The following ODAD2 variants were observed in gnomAD, a reference collection of about 807,000 sequenced individuals.
ODAD2 encodes the protein outer dynein arm docking complex subunit 2, also known as outer dynein arm-docking complex subunit 2.
ODAD2 carries 89 observed loss-of-function variants against 106.8 expected under a neutral mutation model. The ratio of observed to expected loss-of-function variants is 0.83; its 90% CI spans 0.70 to 0.99. The LOEUF (loss-of-function observed/expected upper bound fraction) is 0.99. Ranked by LOEUF, ODAD2 falls within the 50% of genes least tolerant of loss-of-function variation. The pLI is 0.00. For synonymous variants in ODAD2, 404 were observed against 436.2 expected, an observed-to-expected ratio of 0.93 and a Z score of 0.92; for missense variants, 1,168 against 1,238.5, an observed-to-expected ratio of 0.94 and a Z score of 0.85.
In ODAD2 at chr10:27,909,857, C is replaced by G. The variant is rs149081016; in HGVS notation, c.2496-2080G>C. 1.6e-4 allele frequency among the ~76,000 whole-genome samples: 22 copies of G among 134,226 alleles called. No individual in the cohort carries two copies. The East Asian group carries it at 4.6e-3, about 28-fold the overall frequency. 88.1% of individuals were successfully genotyped at this position (134,226 alleles called of 152,430 possible). A position where few individuals can be genotyped will look rare whatever the true frequency, so the allele number is the denominator to read the frequency against. On this transcript the variant is annotated intron_variant, in intron 16 of 19. Transcript: ENST00000305242. ...AAAAAAAAAAAGACTCAGAACACTA[C>G]GGAATGATAACTTCCTATGACAAGA... is the stretch of plus-strand genomic sequence containing the variant.
intron 19 of ODAD2, among the ~76,000 whole-genome samples, chr10:27,846,870 C>A (rs531731373): frequency 6.6e-6 from 1 of 151,904 alleles, no homozygotes; most frequent in South Asian, 2.1e-4. Flanking sequence ...CAAGACTAAA[C>A]CAGGAAGAAG....
intron 17 of ODAD2, among the ~76,000 whole-genome samples, chr10:27,887,076 G>C (rs1242494991): frequency 6.6e-6 from 1 of 151,668 alleles, no homozygotes; most frequent in Non-Finnish European, 1.5e-5. Flanking sequence ...TTGGCAAAAT[G>C]GATTTTAAAA....
chr10:27,908,257 C>T (rs1332457602), intron 16 of ODAD2, among the ~76,000 whole-genome samples: 1 of 152,174 alleles, frequency 6.6e-6, no homozygotes, highest in East Asian at 1.9e-4. Flanking sequence ...AATCATTACA[C>T]CACAGTGCAT....
intron 17 of ODAD2, among the ~76,000 whole-genome samples, chr10:27,884,825 A>C (rs538391767): frequency 3.9e-4 from 59 of 152,220 alleles, no homozygotes; most frequent in African/African-American, 1.3e-3. Context: ...GGGGGAAAAA[A>C]ATTAAAAGCA....
intron 10 of ODAD2, among the ~76,000 whole-genome samples, chr10:27,949,578 C>T (rs1331059383): frequency 6.6e-6 from 1 of 152,160 alleles, no homozygotes; most frequent in African/African-American, 2.4e-5. Flanking sequence ...TGCTTAGCAC[C>T]TAAATAAGGC....
At chr10:27,812,771 GAATATAAACAGTGTTT>G in intron 19 of ODAD2, 146 bp from the exon 20 acceptor site, 1 of 1,230,144 alleles carries the variant, frequency 8.1e-7, no homozygotes, top group Non-Finnish European at 1.1e-6. Context: ...AAGCAAATAC[GAATATAAACAGTGTTT>G]AATCTGATAC....
intron 17 of ODAD2, among the ~76,000 whole-genome samples, chr10:27,882,253 T>C (rs528714679): frequency 6.7e-6 from 1 of 149,642 alleles, no homozygotes; most frequent in East Asian, 2.0e-4. Flanking sequence ...CTCTCTGATC[T>C]CATTCTCAAT....
chr10:27,935,224 A>C lies in ODAD2; in HGVS notation c.2281T>G (p.Leu761Val), dbSNP rs1209091145. 6.2e-7 allele frequency: 1 copy of C among 1,613,972 alleles called. No individual in the cohort carries two copies. Among genetic ancestry groups the C allele is most frequent in the South Asian group, 1.1e-5 (1 of 91,084 alleles). Reference protein sequence around the residue: ...KFREYKAIETLVGLLTDQPEE... With the variant: ...KFREYKAIETVVGLLTDQPEE... ...GGCTGATCTGTTAGAAGTCCCACCA[A>C]GGTTTCAATGGCTTTGTATTCCCGA... The change falls in exon 16 of 20, where the codon TTG becomes GTG. Residue 761 changes from leucine (L) to valine (V), a missense_variant. Coordinates refer to ENST00000305242, the MANE Select transcript of ODAD2 (RefSeq NM_018076.5).
intron 9 of ODAD2, among the ~76,000 whole-genome samples, chr10:27,966,933 G>A (rs941662770): frequency 1.4e-5 from 2 of 146,736 alleles, no homozygotes; most frequent in African/African-American, 5.1e-5. Flanking sequence ...ACTACCTAGG[G>A]ATCTGAAGAC....
At chr10:27,925,285 A>T (rs573576675) in intron 16 of ODAD2, among the ~76,000 whole-genome samples, 2 of 152,308 alleles carry the variant, frequency 1.3e-5, no homozygotes, top group South Asian at 4.1e-4. Context: ...ATGATGAAAC[A>T]TATAGAGCAC....
intron 19 of ODAD2, among the ~76,000 whole-genome samples, chr10:27,830,591 G>A (rs1837400515): frequency 1.3e-5 from 2 of 152,200 alleles, no homozygotes; most frequent in Non-Finnish European, 2.9e-5. Context: ...AGGCAGCCTA[G>A]TGAAACAGTT....
chr10:27,859,561 C>T (rs549088516), intron 19 of ODAD2, among the ~76,000 whole-genome samples: 4 of 152,056 alleles, frequency 2.6e-5, no homozygotes, highest in African/African-American at 7.2e-5. Context: ...GCTAAACCAA[C>T]AAGTCCACTT....
intron 7 of ODAD2, among the ~76,000 whole-genome samples, chr10:27,977,656 A>G (rs1849282754): frequency 6.6e-6 from 1 of 152,202 alleles, no homozygotes; most frequent in South Asian, 2.1e-4. Flanking sequence ...AACAGAATAT[A>G]TAAGCCAAGA....
At chr10:27,945,098 C>T (rs7915894) in intron 10 of ODAD2, 136 bp from the exon 11 acceptor site, 28 of 988,628 alleles carry the variant, frequency 2.8e-5, no homozygotes, top group African/African-American at 1.3e-4. Flanking sequence ...CAGGTAGAGC[C>T]GAAGCATGGA....
chr10:27,904,739 T>C (rs1843461592), intron 17 of ODAD2, among the ~76,000 whole-genome samples: 1 of 152,220 alleles, frequency 6.6e-6, no homozygotes, highest in Non-Finnish European at 1.5e-5. Context: ...ACATGTTTAT[T>C]TTCCATAGAA....
chr10:27,986,685 G>A (rs946775052), intron 3 of ODAD2, among the ~76,000 whole-genome samples: 2 of 152,128 alleles, frequency 1.3e-5, no homozygotes, highest in African/African-American at 4.8e-5. Context: ...AAAGCAGGAC[G>A]CATACATTAT....
At chr10:27,942,295 G>C (rs1337505311) in intron 12 of ODAD2, among the ~76,000 whole-genome samples, 1 of 152,126 alleles carries the variant, frequency 6.6e-6, no homozygotes, top group Admixed American at 6.5e-5. Flanking sequence ...TAGTTGTTTT[G>C]ATGAATCTTT....
At chr10:27,823,557 G>C (rs1836780169) in intron 19 of ODAD2, among the ~76,000 whole-genome samples, 1 of 152,094 alleles carries the variant, frequency 6.6e-6, no homozygotes, top group African/African-American at 2.4e-5. Context: ...AGATAGATAT[G>C]GGATTAAATG....
intron 17 of ODAD2, chr10:27,904,242 T>C (rs1843421073): frequency 2.5e-6 from 1 of 406,954 alleles, no homozygotes; most frequent in Admixed American, 2.2e-5. Flanking sequence ...CCAGACTTTC[T>C]GTAAGAAGTG....
Sources: gnomAD v4.1 joint callset for allele counts (sites outside exome capture counted in the v4.1 genomes callset) on GRCh38, gnomAD v4.1.1 for gene constraint, MANE v1.5 for transcripts, NCBI Gene and HGNC (gene_info 2026-07-23, HGNC 2026-07-21) for gene names.